The following KYNU variants were observed in gnomAD, a reference collection of about 807,000 sequenced individuals.
The protein encoded by KYNU is kynureninase, also known as L-kynurenine hydrolase.
A neutral mutation model predicts 59.2 loss-of-function variants in KYNU; 54 were observed. The observed-to-expected ratio is 0.91, with a 90% CI of 0.73 to 1.14. The LOEUF is 1.14. Among genes scored for constraint, KYNU ranks in the 50% most tolerant of loss-of-function variants. The probability of loss-of-function intolerance (pLI) is 0.00; values close to 1 mark genes in which losing one functional copy is unlikely to be tolerated. For missense variants in KYNU, 567 were observed against 554.4 expected (o/e 1.02, Z -0.23); for synonymous variants, 177 against 192.0 (o/e 0.92, Z 0.65).
At chr2:142,911,713 A>G (rs746413839) in intron 2 of KYNU, among the ~76,000 whole-genome samples, 6 of 152,116 alleles carry the variant, frequency 3.9e-5, no homozygotes, top group Non-Finnish European at 7.3e-5. Context: ...GTTTTGCGGT[A>G]TGTTCCTTTG....
At chr2:143,005,522 G>C (rs1359089077) in intron 10 of KYNU, among the ~76,000 whole-genome samples, 11 of 152,052 alleles carry the variant, frequency 7.2e-5, no homozygotes, top group Non-Finnish European at 1.6e-4. Context: ...AAAATAAGAA[G>C]AAAGGCTCAG....
At chr2:142,925,039 C>G (rs1683005085) in intron 3 of KYNU, among the ~76,000 whole-genome samples, 1 of 152,034 alleles carries the variant, frequency 6.6e-6, no homozygotes, top group Admixed American at 6.5e-5. Context: ...ACGGTGTCTA[C>G]CAGAGTAAGG....
intron 2 of KYNU, among the ~76,000 whole-genome samples, chr2:142,906,162 C>T (rs879579717): frequency 1.3e-5 from 2 of 152,104 alleles, no homozygotes; most frequent in African/African-American, 2.4e-5. Flanking sequence ...GAAGGAAGTT[C>T]GCTTGTTGAC....
In KYNU at chr2:143,054,473, G is replaced by A. The variant is rs540422484; in HGVS notation, c.*12301G>A. The A allele has an allele frequency of 4.4e-4, 67 of 152,248 alleles. 1 individual carries two copies. Among genetic ancestry groups the A allele is most frequent in the African/African-American group, 1.3e-3 (54 of 41,550 alleles). 9.4% of individuals were successfully genotyped at this position (152,248 alleles called of 1,614,324 possible). A position where few individuals can be genotyped will look rare whatever the true frequency, so the allele number is the denominator to read the frequency against. ...ATTCAGGCAAAGATAAAACATTAAAGGAAAAGTTAGTGAAAACTATTAATA... is the reference window on the plus strand; with the variant it reads ...ATTCAGGCAAAGATAAAACATTAAAAGAAAAGTTAGTGAAAACTATTAATA... On this transcript the variant is annotated 3_prime_UTR_variant, in exon 14 of 14. Coordinates refer to ENST00000264170, the MANE Select transcript of KYNU (RefSeq NM_003937.3).
chr2:143,026,073 C>G (rs1322477336), intron 10 of KYNU, among the ~76,000 whole-genome samples: 1 of 152,032 alleles, frequency 6.6e-6, no homozygotes. Flanking sequence ...AATATGTGCT[C>G]TTTAAGAAAA....
At chr2:143,036,454 C>T (rs1173740272) in intron 12 of KYNU, among the ~76,000 whole-genome samples, 1 of 152,008 alleles carries the variant, frequency 6.6e-6, no homozygotes, top group Non-Finnish European at 1.5e-5. Context: ...GAGGAAGTAA[C>T]TTGTGGAATG....
intron 2 of KYNU, among the ~76,000 whole-genome samples, chr2:142,911,584 C>G (rs1247997980): frequency 6.6e-6 from 1 of 151,956 alleles, no homozygotes; most frequent in Non-Finnish European, 1.5e-5. Context: ...ATTTCCGGTA[C>G]TATATTGAGT....
intron 4 of KYNU, among the ~76,000 whole-genome samples, chr2:142,931,764 C>T (rs912304876): frequency 6.6e-6 from 1 of 151,974 alleles, no homozygotes; most frequent in Non-Finnish European, 1.5e-5. Flanking sequence ...TTCAACTTTG[C>T]CTGAAGATTG....
intron 8 of KYNU, among the ~76,000 whole-genome samples, chr2:142,977,809 T>C (rs954434545): frequency 1.3e-5 from 2 of 151,690 alleles, no homozygotes; most frequent in Non-Finnish European, 2.9e-5. Flanking sequence ...AACCAGAGAG[T>C]TGGGAGGAAA....
intron 10 of KYNU, among the ~76,000 whole-genome samples, chr2:143,006,723 T>A (rs1447464411): frequency 2.0e-5 from 3 of 151,594 alleles, no homozygotes; most frequent in Non-Finnish European, 4.4e-5. Flanking sequence ...ACTGGCAGAC[T>A]GCCTCCTCAA....
chr2:142,978,738 C>T (rs888989215), intron 8 of KYNU, among the ~76,000 whole-genome samples: 2 of 152,014 alleles, frequency 1.3e-5, no homozygotes, highest in Non-Finnish European at 2.9e-5. Context: ...TTAATAAGAG[C>T]GTATCAATGC....
Position 142,908,697 on chromosome 2 carries a change from C to T in KYNU, c.170-9912C>T, listed in dbSNP as rs1057065551. On this transcript the variant is annotated intron_variant, in intron 2 of 13. Transcript: ENST00000264170. ...TTGCCCAGGCTTGAGTGCAGTGGCA[C>T]GATCTTGGCTCACTGCAAGCTCTGC... 7.2e-5 allele frequency among the ~76,000 whole-genome samples: 11 copies of T among 151,750 alleles called. No homozygotes were observed. The East Asian group carries it at 7.7e-4, about 11-fold the overall frequency.
At chr2:142,935,801 T>TA (rs1444302893) in intron 4 of KYNU, among the ~76,000 whole-genome samples, 1 of 151,256 alleles carries the variant, frequency 6.6e-6, no homozygotes, top group East Asian at 1.9e-4. Flanking sequence ...CTGCTGAGGG[T>TA]ATGAAGGGGG....
chr2:142,917,299 CT>C (rs1347926024), intron 2 of KYNU, among the ~76,000 whole-genome samples: 2 of 152,190 alleles, frequency 1.3e-5, no homozygotes, highest in African/African-American at 2.4e-5. Flanking sequence ...CACTGAAGGA[CT>C]GGGAACTATG....
At chr2:143,010,939 G>A (rs1346825272) in intron 10 of KYNU, among the ~76,000 whole-genome samples, 1 of 145,946 alleles carries the variant, frequency 6.9e-6, no homozygotes, top group Admixed American at 6.8e-5. Context: ...TTAAACGTTA[G>A]ACCTAAAACC....
chr2:142,884,020 C>T (rs1319634936), intron 1 of KYNU, among the ~76,000 whole-genome samples: 2 of 152,070 alleles, frequency 1.3e-5, no homozygotes, highest in Admixed American at 1.3e-4. Context: ...TCATTTTGTT[C>T]AAAAAACCAA....
chr2:143,011,783 A>T, intron 10 of KYNU, among the ~76,000 whole-genome samples: 1 of 120,604 alleles, frequency 8.3e-6, no homozygotes, highest in Non-Finnish European at 1.7e-5. Context: ...TGAAATTGGA[A>T]ATCATCATTC....
At chr2:142,999,820 A>G (rs1437153065) in intron 10 of KYNU, among the ~76,000 whole-genome samples, 6 of 152,138 alleles carry the variant, frequency 3.9e-5, no homozygotes, top group Non-Finnish European at 5.9e-5. Flanking sequence ...ATAAATTTTA[A>G]TAAGACAGAA....
chr2:142,959,329 G>C (rs576704393), intron 7 of KYNU, among the ~76,000 whole-genome samples: 2 of 152,320 alleles, frequency 1.3e-5, no homozygotes, highest in East Asian at 3.9e-4. Context: ...GCTCACGCCT[G>C]TAATCCCAGC....
Sources: gnomAD v4.1 joint callset for allele counts (sites outside exome capture counted in the v4.1 genomes callset) on GRCh38, gnomAD v4.1.1 for gene constraint, MANE v1.5 for transcripts, NCBI Gene and HGNC (gene_info 2026-07-23, HGNC 2026-07-21) for gene names.